The following TBC1D10A variants were observed in gnomAD, a reference collection of about 807,000 sequenced individuals.
The protein encoded by TBC1D10A is TBC1 domain family member 10A.
Under a neutral mutation model 52.9 loss-of-function variants are expected in TBC1D10A, and 24 were observed. The ratio of observed to expected loss-of-function variants is 0.45; its 90% CI spans 0.33 to 0.64. TBC1D10A has a LOEUF of 0.64. Ranked by LOEUF, TBC1D10A falls within the 30% of genes least tolerant of loss-of-function variation. The pLI, the probability that TBC1D10A is intolerant of heterozygous loss-of-function variation, is 0.02. For missense variants in TBC1D10A, 602 were observed against 687.9 expected, an observed-to-expected ratio of 0.88 and a Z score of 1.40; for synonymous variants, 278 against 282.9, an observed-to-expected ratio of 0.98 and a Z score of 0.17.
intron 1 of TBC1D10A, among the ~76,000 whole-genome samples, chr22:30,321,357 G>T (rs1930648843): frequency 6.6e-6 from 1 of 152,168 alleles, no homozygotes; most frequent in South Asian, 2.1e-4. Context: ...GCTCTCCTGG[G>T]ATCTGTAACA....
intron 1 of TBC1D10A, among the ~76,000 whole-genome samples, chr22:30,316,371 G>A (rs1005761706): frequency 2.0e-5 from 3 of 152,230 alleles, no homozygotes; most frequent in Admixed American, 6.5e-5. Flanking sequence ...CATGCTGGGA[G>A]CAGTGGTTTC....
chr22:30,293,984 C>T lies in TBC1D10A; in HGVS notation c.832G>A (p.Ala278Thr), dbSNP rs1930014769. ...CTCCAGGGCAAGGTTCGGGAGAAGG[C>T]GCACATGAACCATTCTGTCATATAG... is the stretch of plus-strand genomic sequence containing the variant. ...LLYMTEWFMC[A>T]FSRTLPWSSV... The change falls in exon 7 of 9, where the codon GCC (alanine) becomes ACC (threonine). Residue 278 changes from alanine (A) to threonine (T), a missense_variant. Around this residue, in one of 3 missense-constraint regions of TBC1D10A, gnomAD observed 136 missense variants for 208.4 expected, o/e 0.65. Transcript: ENST00000215790. The T allele has an allele frequency of 6.2e-7, 1 of 1,614,144 alleles. No individual in the cohort carries two copies.
Position 30,292,238 on chromosome 22 carries a change from T to G in TBC1D10A, c.*137A>C. 1 of 725,172 alleles carries G rather than the reference T, an allele frequency of 1.4e-6. No homozygotes were observed. The highest frequency in any genetic ancestry group is 2.8e-5 in the East Asian group (1 of 35,968). The allele number at this position is 725,172 out of a possible 1,614,324, so 44.9% of individuals were successfully genotyped here. ...TCTGTGTTGGACCAGGCAGAATCTG[T>G]GTTGGACCAGCCAGACTCCAGCCCA... On this transcript the variant is annotated 3_prime_UTR_variant, in exon 9 of 9. Coordinates refer to ENST00000215790, the MANE Select transcript of TBC1D10A (RefSeq NM_031937.3).
intron 1 of TBC1D10A, among the ~76,000 whole-genome samples, chr22:30,317,750 G>A (rs777215205): frequency 7.2e-5 from 11 of 152,162 alleles, no homozygotes; most frequent in South Asian, 4.1e-4. Flanking sequence ...CTACCGGCAC[G>A]TGCCACCATG....
intron 2 of TBC1D10A, among the ~76,000 whole-genome samples, chr22:30,301,065 A>C (rs949993928): frequency 6.6e-6 from 1 of 152,200 alleles, no homozygotes; most frequent in African/African-American, 2.4e-5. Flanking sequence ...TCATCACACA[A>C]GCAGAGTGGG....
chr22:30,294,340 G>A (rs1456209670), intron 6 of TBC1D10A, among the ~76,000 whole-genome samples: 1 of 152,214 alleles, frequency 6.6e-6, no homozygotes, highest in South Asian at 2.1e-4. Flanking sequence ...GGCTAGGGGA[G>A]GGGGAGGAGG....
At chr22:30,299,658 G>A (rs1930159875) in intron 2 of TBC1D10A, 107 bp from the exon 3 acceptor site, 7 of 1,005,092 alleles carry the variant, frequency 7.0e-6, no homozygotes, top group South Asian at 4.5e-5. Flanking sequence ...AGCAGCAAGA[G>A]CAGAAACAGG....
At chr22:30,322,305 C>T (rs1266952099) in intron 1 of TBC1D10A, among the ~76,000 whole-genome samples, 1 of 152,188 alleles carries the variant, frequency 6.6e-6, no homozygotes, top group South Asian at 2.1e-4. Flanking sequence ...ATGCCCCACT[C>T]GGTCTCCAGC....
intron 2 of TBC1D10A, among the ~76,000 whole-genome samples, chr22:30,302,877 G>A (rs1410819653): frequency 6.6e-6 from 1 of 152,234 alleles, no homozygotes; most frequent in Admixed American, 6.5e-5. Flanking sequence ...CAGATTGCTG[G>A]AGAGCAAGCT....
intron 1 of TBC1D10A, among the ~76,000 whole-genome samples, chr22:30,323,993 T>C (rs779089999): frequency 4.6e-5 from 7 of 152,104 alleles, no homozygotes; most frequent in Middle Eastern, 3.4e-3. Flanking sequence ...TCCCTTACAG[T>C]GCAGTCTATG....
chr22:30,298,635 GA>G (rs1362804009), intron 3 of TBC1D10A: 4 of 152,436 alleles, frequency 2.6e-5, no homozygotes, highest in Admixed American at 1.3e-4. Context: ...GGGCCTGCGA[GA>G]AACCCCGATG....
At position 30,292,068 on chromosome 22, in the gene TBC1D10A, C is replaced by T. The variant is rs370521711; in HGVS notation, c.*307G>A. ...AAGAACACCCCACCCTTTCCCCTCA[C>T]ACCAGCACCCTAACCCTGGGGAGCA... is the stretch of plus-strand genomic sequence containing the variant. On this transcript the variant is annotated 3_prime_UTR_variant, in exon 9 of 9. Transcript: ENST00000215790. The T allele has an allele frequency of 1.4e-5, 5 of 355,980 alleles. No individual in the cohort carries two copies. The highest frequency in any genetic ancestry group is 4.2e-5 in the African/African-American group (2 of 47,702). 22.1% of individuals were successfully genotyped at this position (355,980 alleles called of 1,614,324 possible).
chr22:30,318,263 C>G (rs1410598025), intron 1 of TBC1D10A, among the ~76,000 whole-genome samples: 2 of 152,186 alleles, frequency 1.3e-5, no homozygotes. Flanking sequence ...CCAAACCCAC[C>G]CTTCCCAGTT....
At chr22:30,305,905 T>A (rs1302125893) in intron 1 of TBC1D10A, among the ~76,000 whole-genome samples, 1 of 152,220 alleles carries the variant, frequency 6.6e-6, no homozygotes, top group Non-Finnish European at 1.5e-5. Context: ...CACCCCACCT[T>A]GAACTGCTGC....
In TBC1D10A at chr22:30,295,071, G is replaced by A. The variant is rs376999596; in HGVS notation, c.525-16C>T. 4.4e-5 allele frequency: 71 copies of A among 1,612,192 alleles called. No individual in the cohort carries two copies. The African/African-American group carries it at 8.5e-4, about 19-fold the overall frequency. On this transcript the variant is annotated splice_polypyrimidine_tract_variant and intron_variant, in intron 4 of 8. Transcript: ENST00000215790. ...GTCCTGCTGGCTGTGGAGAGGCCGG[G>A]CAGAGCAGTGATGACCGGGGTGACT...
intron 1 of TBC1D10A, among the ~76,000 whole-genome samples, chr22:30,312,356 C>T (rs913775449): frequency 2.0e-5 from 3 of 152,202 alleles, no homozygotes; most frequent in African/African-American, 7.2e-5. Context: ...CATTATCCAA[C>T]AGAAACCTCA....
rs774902101 is a variant in TBC1D10A at position 30,299,433 on chromosome 22, G to C, written c.417+11C>G. The C allele has an allele frequency of 1.9e-6, 3 of 1,613,234 alleles. No individual in the cohort carries two copies. The Admixed American group carries it at 5.0e-5, about 27-fold the overall frequency. ...CGGAAGGGAGGGCAGGGCAAAGGAA[G>C]GGAAACTTACGTCAAACTTTCCAGG... On this transcript the variant is annotated intron_variant, in intron 3 of 8. Coordinates refer to ENST00000215790, the MANE Select transcript of TBC1D10A (RefSeq NM_031937.3).
intron 1 of TBC1D10A, chr22:30,305,768 G>A (rs1365736148): frequency 6.6e-6 from 1 of 152,276 alleles, no homozygotes; most frequent in Non-Finnish European, 1.5e-5. Context: ...AGACACAAAA[G>A]GGAAGGTCTT....
rs760667063 is a variant in TBC1D10A at position 30,292,569 on chromosome 22, G to C, written c.1333C>G (p.Leu445Val). Residue 445 changes from leucine (L) to valine (V), a missense_variant, in exon 9 of 9, where the codon CTG becomes GTG. Leu to Val is a conservative substitution (Grantham distance 32). Transcript: ENST00000215790. ...TGATTTGGGGCTGGGGGCTTCTCCAGCTGCCCTCTCCCCTTCATCTGTTTC... is the reference window on the plus strand; with the variant it reads ...TGATTTGGGGCTGGGGGCTTCTCCACCTGCCCTCTCCCCTTCATCTGTTTC... ...QRKQMKGRGQ[L>V]EKPPAPNQAM... is the part of the protein sequence containing the mutation. 1 of 1,613,698 alleles carries C rather than the reference G, an allele frequency of 6.2e-7. No homozygotes were observed. The highest frequency in any genetic ancestry group is 1.1e-5 in the South Asian group (1 of 91,040).
Sources: gnomAD v4.1 joint callset for allele counts (sites outside exome capture counted in the v4.1 genomes callset) on GRCh38, gnomAD v4.1.1 for gene constraint, gnomAD v4.1.1 regional missense constraint, MANE v1.5 for transcripts, NCBI Gene and HGNC (gene_info 2026-07-23, HGNC 2026-07-21) for gene names.